Variants in HDAC4 observed in about 807,000 individuals in gnomAD.
HDAC4 encodes the protein histone deacetylase A.
Under a neutral mutation model 135.1 loss-of-function variants are expected in HDAC4, and 16 were observed. That is an observed-to-expected ratio of 0.12 (90% confidence interval 0.08 to 0.18). HDAC4 has a LOEUF of 0.18. Among genes scored for constraint, HDAC4 ranks in the 10% least tolerant of loss-of-function variants. The pLI is 1.00. For missense variants in HDAC4, 1,143 were observed against 1,511.8 expected (o/e 0.76, Z 4.05); for synonymous variants, 685 against 653.4 (o/e 1.05, Z -0.74).
chr2:239,318,386 G>C (rs2053191018), intron 2 of HDAC4, among the ~76,000 whole-genome samples: 1 of 152,196 alleles, frequency 6.6e-6, no homozygotes, highest in Admixed American at 6.5e-5. Flanking sequence ...TCCAAAATGT[G>C]AATGTCACGA....
intron 2 of HDAC4, among the ~76,000 whole-genome samples, chr2:239,237,215 C>T (rs2047935658): frequency 6.6e-6 from 1 of 152,100 alleles, no homozygotes; most frequent in Admixed American, 6.5e-5. Context: ...CATTTTTAGA[C>T]TGTATTATGG....
At position 239,354,465 on chromosome 2, in the gene HDAC4, C is replaced by T. The variant is rs563289716; in HGVS notation, c.-219-1547G>A. ...CTCAGCACTCCTACCACTGAGAGTCCCTGGCTGATCCCAGCTCAAGTGCTT... is the reference window on the plus strand; with the variant it reads ...CTCAGCACTCCTACCACTGAGAGTCTCTGGCTGATCCCAGCTCAAGTGCTT... On this transcript the variant is annotated intron_variant, in intron 1 of 26. Coordinates refer to ENST00000543185, the MANE Select transcript of HDAC4 (RefSeq NM_001378414.1). Among the ~76,000 whole-genome samples, 138 of 152,182 alleles carry T rather than the reference C, an allele frequency of 9.1e-4. 1 individual carries two copies. The highest frequency in any genetic ancestry group is 3.4e-3 in the Middle Eastern group (1 of 294).
At chr2:239,311,991 T>C (rs769836726) in intron 2 of HDAC4, among the ~76,000 whole-genome samples, 1 of 151,996 alleles carries the variant, frequency 6.6e-6, no homozygotes, top group African/African-American at 2.4e-5. Flanking sequence ...TAGACTAACA[T>C]GAGGAAGGGG....
Position 239,308,262 on chromosome 2 carries a change from G to A in HDAC4, c.22+44416C>T, listed in dbSNP as rs990953160. ...GACCCGGGGGGGAGTCCACTGCCTT[G>A]GGGACACGAGGGAGCCAGGGTCACT... On this transcript the variant is annotated intron_variant, in intron 2 of 26. Transcript: ENST00000543185. This position sits in a 1 kb window ranked among gnomAD's most constrained non-coding sequence, Gnocchi z 4.2. Among the ~76,000 whole-genome samples the A allele has an allele frequency of 6.6e-6, 1 of 152,116 alleles. No individual in the cohort carries two copies. The highest frequency in any genetic ancestry group is 2.4e-5 in the African/African-American group (1 of 41,438).
At chr2:239,199,889 ACCACACC>A (rs2045649211) in intron 3 of HDAC4, among the ~76,000 whole-genome samples, 1 of 152,130 alleles carries the variant, frequency 6.6e-6, no homozygotes, top group Non-Finnish European at 1.5e-5. Context: ...GACGCCAGCC[ACCACACC>A]CGGCTAATTT....
Position 239,163,870 on chromosome 2 carries a change from T to C in HDAC4, c.544A>G (p.Lys182Glu). ...KMKLQEFVLN[K>E]KKALAHRNLN... ...TTCCGGTGGGCCAGCGCCTTCTTTT[T>C]ATTGAGGACAAATTCTTGTAACTTC... The change falls in exon 6 of 27, where the codon AAA becomes GAA. Residue 182 changes from lysine to glutamate, a missense_variant. Lys to Glu is a moderately conservative substitution (Grantham distance 56, BLOSUM62 1). Coordinates refer to ENST00000543185, the MANE Select transcript of HDAC4 (RefSeq NM_001378414.1). The C allele has an allele frequency of 6.2e-7, 1 of 1,614,090 alleles. No individual in the cohort carries two copies. Among genetic ancestry groups the C allele is most frequent in the Non-Finnish European group, 8.5e-7 (1 of 1,180,006 alleles).
intron 22 of HDAC4, among the ~76,000 whole-genome samples, chr2:239,076,029 T>C (rs1280219422): frequency 6.9e-6 from 1 of 144,668 alleles, no homozygotes; most frequent in African/African-American, 2.7e-5. Context: ...CAGCGAACTC[T>C]CCTTGGCTTC....
chr2:239,292,683 C>G (rs1354332794), intron 2 of HDAC4, among the ~76,000 whole-genome samples: 2 of 152,050 alleles, frequency 1.3e-5, no homozygotes, highest in Non-Finnish European at 2.9e-5. Flanking sequence ...AACTAGCAGA[C>G]TAAGGCGGGA....
intron 6 of HDAC4, among the ~76,000 whole-genome samples, chr2:239,160,921 C>G (rs1386141408): frequency 3.3e-5 from 5 of 152,252 alleles, no homozygotes; most frequent in Non-Finnish European, 7.3e-5. Flanking sequence ...CAACAGGCAG[C>G]ACACAGAGGT....
At chr2:239,227,348 C>T (rs1379035589) in intron 3 of HDAC4, among the ~76,000 whole-genome samples, 1 of 152,120 alleles carries the variant, frequency 6.6e-6, no homozygotes, top group Non-Finnish European at 1.5e-5. Context: ...GGTCTTCCTG[C>T]CCCAGCATGG....
intron 21 of HDAC4, 45 bp from the exon 22 acceptor site, chr2:239,081,237 G>T: frequency 6.6e-7 from 1 of 1,518,926 alleles, no homozygotes; most frequent in Non-Finnish European, 9.0e-7. Context: ...CCCCGAGCGG[G>T]ACCTGTCTGA....
chr2:239,250,176 C>T (rs928471567), intron 2 of HDAC4, among the ~76,000 whole-genome samples: 1 of 152,264 alleles, frequency 6.6e-6, no homozygotes, highest in Non-Finnish European at 1.5e-5. Flanking sequence ...TGCTTTTATT[C>T]CATGACTCTG....
chr2:239,339,620 C>T (rs1304455064), intron 2 of HDAC4, among the ~76,000 whole-genome samples: 1 of 152,172 alleles, frequency 6.6e-6, no homozygotes, highest in Admixed American at 6.5e-5. Flanking sequence ...CTCAGCAGAG[C>T]TCCAGAGCAG....
At chr2:239,374,857 G>A (rs1243393218) in intron 1 of HDAC4, among the ~76,000 whole-genome samples, 1 of 152,224 alleles carries the variant, frequency 6.6e-6, no homozygotes, top group African/African-American at 2.4e-5. Flanking sequence ...CACAGGTCCT[G>A]TCAGCTGCAC....
At chr2:239,301,091 A>G (rs558610560) in intron 2 of HDAC4, among the ~76,000 whole-genome samples, 3 of 152,168 alleles carry the variant, frequency 2.0e-5, no homozygotes, top group Non-Finnish European at 2.9e-5. Flanking sequence ...GGCGGGGAGC[A>G]AGGCCTTCCT....
chr2:239,075,347 C>G (rs934484570), intron 22 of HDAC4, among the ~76,000 whole-genome samples: 1 of 151,194 alleles, frequency 6.6e-6, no homozygotes, highest in African/African-American at 2.4e-5. Flanking sequence ...TCACTTTTGG[C>G]CTTTCTTGGG....
chr2:239,185,723 G>T (rs1466066023), intron 4 of HDAC4, among the ~76,000 whole-genome samples: 1 of 152,174 alleles, frequency 6.6e-6, no homozygotes, highest in African/African-American at 2.4e-5. Context: ...TCTTCTGGGA[G>T]GCATTGATCA....
intron 3 of HDAC4, among the ~76,000 whole-genome samples, chr2:239,215,563 G>A (rs928193703): frequency 6.6e-6 from 1 of 152,190 alleles, no homozygotes; most frequent in African/African-American, 2.4e-5. Context: ...GGGAGATCGA[G>A]TTCTGCCCAC....
upstream of HDAC4, chr2:239,401,306 T>C (rs951801634): frequency 6.6e-6 from 1 of 152,200 alleles, no homozygotes; most frequent in Non-Finnish European, 1.5e-5. Flanking sequence ...GGATGCCCTA[T>C]GAGCGGCAGA....
Sources: gnomAD v4.1 joint callset for allele counts (sites outside exome capture counted in the v4.1 genomes callset) on GRCh38, gnomAD v4.1.1 for gene constraint, Gnocchi (gnomAD v3.1) non-coding constraint, MANE v1.5 for transcripts, NCBI Gene and HGNC (gene_info 2026-07-23, HGNC 2026-07-21) for gene names.